The following PTPN12 variants were observed in gnomAD, a reference collection of about 807,000 sequenced individuals.
PTPN12 encodes the protein tyrosine-protein phosphatase non-receptor type 12.
A neutral mutation model predicts 97.6 loss-of-function variants in PTPN12; 29 were observed. The observed-to-expected ratio is 0.30, with a 90% CI of 0.22 to 0.41. The LOEUF (loss-of-function observed/expected upper bound fraction) is 0.41, where lower values mean the gene tolerates loss of function less well. PTPN12 is among the 10% of genes least tolerant of loss of function. The pLI, the probability that PTPN12 is intolerant of heterozygous loss-of-function variation, is 1.00. For synonymous variants in PTPN12, 327 were observed against 300.4 expected, an observed-to-expected ratio of 1.09 and a Z score of -0.91; for missense variants, 819 against 926.0, an observed-to-expected ratio of 0.88 and a Z score of 1.50.
intron 1 of PTPN12, among the ~76,000 whole-genome samples, chr7:77,554,840 CACTT>C (rs1385905008): frequency 1.3e-5 from 2 of 152,122 alleles, no homozygotes; most frequent in African/African-American, 2.4e-5. Context: ...CCGCCATACT[CACTT>C]AAGTTTTTTT....
intron 11 of PTPN12, among the ~76,000 whole-genome samples, chr7:77,618,117 T>G (rs746476628): frequency 6.6e-5 from 10 of 152,266 alleles, no homozygotes; most frequent in Middle Eastern, 3.4e-3. Flanking sequence ...GCTTTTTTTT[T>G]GTCTCTGCAT....
intron 8 of PTPN12, chr7:77,604,809 T>TATATA (rs1562742817): frequency 2.7e-6 from 1 of 365,510 alleles, no homozygotes; most frequent in Admixed American, 3.0e-5. Flanking sequence ...ATATATATAT[T>TATATA]TTTATCCACC....
chr7:77,638,510 C>T (rs1189523886), intron 16 of PTPN12, 114 bp from the exon 17 acceptor site: 16 of 1,310,078 alleles, frequency 1.2e-5, no homozygotes, highest in Non-Finnish European at 9.8e-7. Flanking sequence ...TTATGGTGCC[C>T]AGGAGAGAAA....
At chr7:77,559,770 C>T (rs1057021095) in intron 1 of PTPN12, among the ~76,000 whole-genome samples, 1 of 151,216 alleles carries the variant, frequency 6.6e-6, no homozygotes, top group African/African-American at 2.4e-5. Flanking sequence ...ATGTCTATTA[C>T]GTCTAGCAGA....
chr7:77,582,929 C>G (rs1787570189), intron 3 of PTPN12, among the ~76,000 whole-genome samples: 1 of 151,896 alleles, frequency 6.6e-6, no homozygotes, highest in Non-Finnish European at 1.5e-5. Context: ...TGATAGTTTG[C>G]TATTTCAGAT....
intron 2 of PTPN12, among the ~76,000 whole-genome samples, chr7:77,577,222 G>A (rs910263527): frequency 2.0e-5 from 3 of 152,136 alleles, no homozygotes; most frequent in Non-Finnish European, 2.9e-5. Context: ...TTTAGACCCA[G>A]AGCCTTGGCT....
At chr7:77,574,732 T>A (rs1787283390) in intron 2 of PTPN12, among the ~76,000 whole-genome samples, 1 of 152,220 alleles carries the variant, frequency 6.6e-6, no homozygotes, top group Admixed American at 6.5e-5. Context: ...AGTTCTTAAT[T>A]ACTGTGCAGT....
At chr7:77,601,448 C>T (rs766008489) in intron 8 of PTPN12, among the ~76,000 whole-genome samples, 8 of 152,044 alleles carry the variant, frequency 5.3e-5, no homozygotes, top group Non-Finnish European at 7.4e-5. Flanking sequence ...AGTGATTCTC[C>T]CACTTTGCTC....
intron 2 of PTPN12, 29 bp from the exon 3 acceptor site, chr7:77,581,398 T>A: frequency 6.8e-7 from 1 of 1,463,332 alleles, no homozygotes; most frequent in African/African-American, 1.4e-5. Flanking sequence ...GTGTCAACCA[T>A]ACATATTTTA....
Position 77,627,141 on chromosome 7 carries a change from G to A in PTPN12, c.1462G>A (p.Gly488Ser), listed in dbSNP as rs1191757654. Reference sequence around the variant, plus strand: ...GGAATTAAGTTCAGATCTAAATGTCGGTGATACTTCCCAGAATTCTTGTGT... The same window carrying A: ...GGAATTAAGTTCAGATCTAAATGTCAGTGATACTTCCCAGAATTCTTGTGT... ...PQELSSDLNV[G>S]DTSQNSCVDC... Residue 488 changes from glycine to serine, a missense_variant, in exon 13 of 18, where the codon GGT (glycine) becomes AGT (serine). By Grantham distance (56) the Gly-to-Ser change is moderately conservative. Coordinates refer to ENST00000248594, the MANE Select transcript of PTPN12 (RefSeq NM_002835.4). The A allele has an allele frequency of 2.5e-6, 4 of 1,614,022 alleles. No homozygotes were observed. The highest frequency in any genetic ancestry group is 2.2e-5 in the East Asian group (1 of 44,886).
chr7:77,606,481 C>T (rs895571098), intron 8 of PTPN12, among the ~76,000 whole-genome samples: 3 of 152,056 alleles, frequency 2.0e-5, no homozygotes, highest in African/African-American at 7.2e-5. Context: ...ACTGCAGCCT[C>T]GACCTCCCAG....
chr7:77,575,321 ACACACACG>A (rs1017251359), intron 2 of PTPN12, among the ~76,000 whole-genome samples: 61 of 141,490 alleles, frequency 4.3e-4, no homozygotes, highest in Non-Finnish European at 6.4e-5. Flanking sequence ...AAAACTCAAC[ACACACACG>A]CACGCACGCA....
At chr7:77,573,832 C>T (rs909334451) in intron 2 of PTPN12, among the ~76,000 whole-genome samples, 3 of 152,228 alleles carry the variant, frequency 2.0e-5, no homozygotes, top group East Asian at 1.9e-4. Context: ...GCGATCTCCG[C>T]ACACTATAAC....
At chr7:77,601,036 G>C (rs1584171751) in intron 8 of PTPN12, 1 of 441,776 alleles carries the variant, frequency 2.3e-6, no homozygotes, top group East Asian at 3.9e-5. Context: ...TCACATGGTG[G>C]GAAGCTATAG....
At chr7:77,596,454 G>A (rs2151353496) in intron 6 of PTPN12, among the ~76,000 whole-genome samples, 1 of 152,270 alleles carries the variant, frequency 6.6e-6, no homozygotes, top group Middle Eastern at 3.4e-3. Flanking sequence ...CACCCAGACT[G>A]GAATGCAGCG....
chr7:77,585,642 A>T lies in PTPN12; in HGVS notation c.420+61A>T, dbSNP rs17381568. ...TACGGATAAATATTCTTAGTCTTTTATTATTATAGTCTTAACATAAGCGGT... is the reference window on the plus strand; with the variant it reads ...TACGGATAAATATTCTTAGTCTTTTTTTATTATAGTCTTAACATAAGCGGT... On this transcript the variant is annotated intron_variant, in intron 5 of 17. Coordinates refer to ENST00000248594, the MANE Select transcript of PTPN12 (RefSeq NM_002835.4). 14 of 1,422,892 alleles carry T rather than the reference A, an allele frequency of 9.8e-6. No homozygotes were observed. The Middle Eastern group carries it at 7.6e-4, about 77-fold the overall frequency. 88.1% of individuals were successfully genotyped at this position (1,422,892 alleles called of 1,614,324 possible). A position where few individuals can be genotyped will look rare whatever the true frequency, so the allele number is the denominator to read the frequency against.
chr7:77,578,299 T>C lies in PTPN12; in HGVS notation c.209-3128T>C, dbSNP rs538230638. 5.3e-5 allele frequency among the ~76,000 whole-genome samples: 8 copies of C among 152,276 alleles called. 1 individual carries two copies. In the South Asian group the frequency reaches 1.7e-3, roughly 32 times the overall value. ...AGCCATCATTATCCTAACCACTGAA[T>C]ATTCTATTCTCATTTTCCAGAGTCA... On this transcript the variant is annotated intron_variant, in intron 2 of 17. Transcript: ENST00000248594.
chr7:77,562,252 A>G (rs1378191539), intron 1 of PTPN12, among the ~76,000 whole-genome samples: 2 of 152,074 alleles, frequency 1.3e-5, no homozygotes, highest in African/African-American at 2.4e-5. Flanking sequence ...ATGGGGTTTC[A>G]CCACCTTGGC....
chr7:77,582,996 C>T (rs947797097), intron 3 of PTPN12, among the ~76,000 whole-genome samples: 8 of 151,882 alleles, frequency 5.3e-5, no homozygotes, highest in Non-Finnish European at 1.0e-4. Context: ...ATAGTTTTTA[C>T]TTATGCTTAA....
Sources: gnomAD v4.1 joint callset for allele counts (sites outside exome capture counted in the v4.1 genomes callset) on GRCh38, gnomAD v4.1.1 for gene constraint, MANE v1.5 for transcripts, NCBI Gene and HGNC (gene_info 2026-07-23, HGNC 2026-07-21) for gene names.